CNTNAP2: variants seen among roughly 807,000 people sequenced by gnomAD.
CNTNAP2 encodes contactin-associated protein-like 2.
Under a neutral mutation model 155.2 loss-of-function variants are expected in CNTNAP2, and 98 were observed. That is an observed-to-expected ratio of 0.63 (90% CI 0.54 to 0.75). The LOEUF (loss-of-function observed/expected upper bound fraction) is 0.75, where lower values mean the gene tolerates loss of function less well. Ranked by LOEUF, CNTNAP2 falls within the 30% of genes least tolerant of loss-of-function variation. The pLI is 0.00. For synonymous variants in CNTNAP2, 651 were observed against 631.2 expected (o/e 1.03, Z -0.47); for missense variants, 1,727 against 1,688.1 (o/e 1.02, Z -0.40).
At chr7:146,837,902 C>T (rs941217202) in intron 2 of CNTNAP2, among the ~76,000 whole-genome samples, 1 of 152,168 alleles carries the variant, frequency 6.6e-6, no homozygotes, top group African/African-American at 2.4e-5. Flanking sequence ...TTTTTCCCAG[C>T]TCTGTGCAAC....
At chr7:146,457,847 T>G (rs1796580424) in intron 1 of CNTNAP2, among the ~76,000 whole-genome samples, 1 of 152,042 alleles carries the variant, frequency 6.6e-6, no homozygotes, top group Non-Finnish European at 1.5e-5. Context: ...TTATTATTTT[T>G]ATTTATTTCT....
rs1269443319 is a variant in CNTNAP2, at chr7:148,142,622, A to G, written c.2555-4869A>G. Among the ~76,000 whole-genome samples, 3 of 152,166 alleles carry G rather than the reference A, an allele frequency of 2.0e-5. No individual in the cohort carries two copies. In the East Asian group the frequency reaches 5.8e-4, roughly 29 times the overall value. On this transcript the variant is annotated intron_variant, in intron 16 of 23. Coordinates refer to ENST00000361727, the MANE Select transcript of CNTNAP2 (RefSeq NM_014141.6). ...CTGGTCTGCCCATCATGCTCATGCTATATAACTTTCCTTCTCTTTTCTCTT... is the reference window on the plus strand; with the variant it reads ...CTGGTCTGCCCATCATGCTCATGCTGTATAACTTTCCTTCTCTTTTCTCTT...
intron 1 of CNTNAP2, among the ~76,000 whole-genome samples, chr7:146,417,006 C>T (rs928134670): frequency 4.0e-4 from 61 of 152,224 alleles, no homozygotes; most frequent in Non-Finnish European, 1.0e-4. Flanking sequence ...GTGAGGACAA[C>T]TTGGATTGTA....
At chr7:147,226,407 T>C (rs1283573045) in intron 8 of CNTNAP2, among the ~76,000 whole-genome samples, 1 of 152,144 alleles carries the variant, frequency 6.6e-6, no homozygotes, top group Non-Finnish European at 1.5e-5. Flanking sequence ...AACAATCATT[T>C]ATATTAGGAC....
At chr7:147,935,684 A>G (rs1032991512) in intron 14 of CNTNAP2, among the ~76,000 whole-genome samples, 2 of 152,214 alleles carry the variant, frequency 1.3e-5, no homozygotes, top group African/African-American at 4.8e-5. Context: ...AAATTTTTTA[A>G]TGCTCTGCCC....
At chr7:147,995,528 T>A (rs1199234963) in intron 15 of CNTNAP2, among the ~76,000 whole-genome samples, 1 of 120,484 alleles carries the variant, frequency 8.3e-6, no homozygotes, top group Non-Finnish European at 1.6e-5. Flanking sequence ...CTAATTCTTT[T>A]GTTGTTTTTT....
At chr7:147,533,345 A>G (rs1799476747) in intron 11 of CNTNAP2, among the ~76,000 whole-genome samples, 1 of 152,136 alleles carries the variant, frequency 6.6e-6, no homozygotes, top group South Asian at 2.1e-4. Flanking sequence ...ATAAGTCTCT[A>G]CCTTTTCTAA....
intron 1 of CNTNAP2, among the ~76,000 whole-genome samples, chr7:146,395,465 G>A (rs1795606500): frequency 6.6e-6 from 1 of 151,642 alleles, no homozygotes; most frequent in African/African-American, 2.4e-5. Context: ...TTTTTTTGTT[G>A]CATCCCTATT....
At chr7:148,400,902 C>T (rs955451852) in intron 22 of CNTNAP2, among the ~76,000 whole-genome samples, 5 of 152,002 alleles carry the variant, frequency 3.3e-5, no homozygotes, top group African/African-American at 9.7e-5. Flanking sequence ...ATCACTTGAA[C>T]CCAGGAAGCA....
chr7:148,404,002 A>T (rs191677530), intron 22 of CNTNAP2, among the ~76,000 whole-genome samples: 1 of 152,364 alleles, frequency 6.6e-6, no homozygotes, highest in African/African-American at 2.4e-5. Flanking sequence ...TCTATATTCA[A>T]TATGTCCATC....
chr7:148,343,598 G>C (rs1485431072), intron 21 of CNTNAP2, among the ~76,000 whole-genome samples: 2 of 152,242 alleles, frequency 1.3e-5, no homozygotes, highest in African/African-American at 4.8e-5. Context: ...ATTTGTAGAT[G>C]TGACTGATCA....
intron 3 of CNTNAP2, among the ~76,000 whole-genome samples, chr7:147,030,627 G>T (rs1351448932): frequency 6.6e-6 from 1 of 151,824 alleles, no homozygotes; most frequent in African/African-American, 2.4e-5. Context: ...ATATCAATTT[G>T]TTCGCTTATA....
At chr7:147,731,365 C>G (rs545964016) in intron 13 of CNTNAP2, among the ~76,000 whole-genome samples, 14 of 152,034 alleles carry the variant, frequency 9.2e-5, no homozygotes, top group Non-Finnish European at 1.8e-4. Flanking sequence ...AATCCTGAGA[C>G]TCTTAAGAGT....
At chr7:147,078,431 C>T (rs1179218305) in intron 4 of CNTNAP2, among the ~76,000 whole-genome samples, 3 of 152,186 alleles carry the variant, frequency 2.0e-5, no homozygotes, top group African/African-American at 7.2e-5. Flanking sequence ...ACATTTCCAT[C>T]TGGAGCCCCG....
chr7:147,949,736 G>A (rs1800892966), intron 14 of CNTNAP2, among the ~76,000 whole-genome samples: 1 of 152,124 alleles, frequency 6.6e-6, no homozygotes, highest in Non-Finnish European at 1.5e-5. Context: ...AGCTGTTGGG[G>A]TCTCCTTGAA....
chr7:147,637,853 C>T (rs1399402226), intron 12 of CNTNAP2, among the ~76,000 whole-genome samples: 3 of 152,082 alleles, frequency 2.0e-5, no homozygotes, highest in African/African-American at 7.2e-5. Context: ...TTGCTTAGAT[C>T]CTACTAAATT....
chr7:148,115,181 A>G (rs141285982), intron 15 of CNTNAP2, among the ~76,000 whole-genome samples: 2 of 152,362 alleles, frequency 1.3e-5, no homozygotes, highest in Middle Eastern at 3.4e-3. Context: ...ATTGTGGTCT[A>G]TAGAGATATT....
At chr7:147,141,463 A>C (rs1801595679) in intron 8 of CNTNAP2, among the ~76,000 whole-genome samples, 1 of 152,136 alleles carries the variant, frequency 6.6e-6, no homozygotes, top group Non-Finnish European at 1.5e-5. Flanking sequence ...CTGTTGAAAC[A>C]AACATAATGT....
intron 1 of CNTNAP2, among the ~76,000 whole-genome samples, chr7:146,302,211 A>G (rs1800623743): frequency 6.6e-6 from 1 of 152,188 alleles, no homozygotes; most frequent in Non-Finnish European, 1.5e-5. Context: ...TTAAAAATTT[A>G]AAATTTATGC....
Sources: allele counts gnomAD v4.1 joint callset (sites outside exome capture counted in the v4.1 genomes callset), GRCh38; gene constraint gnomAD v4.1.1; transcripts MANE v1.5; gene names NCBI Gene and HGNC (gene_info 2026-07-23, HGNC 2026-07-21).